Variants in CFAP46 observed in about 807,000 individuals in gnomAD.
CFAP46 encodes the protein cilia- and flagella-associated protein 46.
A neutral mutation model predicts 325.7 loss-of-function variants in CFAP46; 245 were observed. The ratio of observed to expected loss-of-function variants is 0.75; its 90% CI spans 0.68 to 0.84. The LOEUF (loss-of-function observed/expected upper bound fraction) is 0.84. Among genes scored for constraint, CFAP46 ranks in the 40% least tolerant of loss-of-function variants. The pLI is 0.00. For missense variants in CFAP46, 3,346 were observed against 3,543.0 expected, an observed-to-expected ratio of 0.94 and a Z score of 1.41; for synonymous variants, 1,523 against 1,495.9, an observed-to-expected ratio of 1.02 and a Z score of -0.42.
chr10:132,812,183 C>T (rs1010606562), intron 55 of CFAP46, among the ~76,000 whole-genome samples: 3 of 152,218 alleles, frequency 2.0e-5, no homozygotes, highest in Admixed American at 6.5e-5. Flanking sequence ...ACCCTTGGGC[C>T]GTGGCGTGTG....
At chr10:132,811,998 T>A (rs959061557) in intron 55 of CFAP46, among the ~76,000 whole-genome samples, 1 of 152,210 alleles carries the variant, frequency 6.6e-6, no homozygotes, top group Non-Finnish European at 1.5e-5. Flanking sequence ...AGCAGCCCCA[T>A]CAGAGAAGGT....
At chr10:132,872,561 A>C in intron 32 of CFAP46, 115 bp downstream of exon 32, 1 of 1,205,498 alleles carries the variant, frequency 8.3e-7, no homozygotes, top group Non-Finnish European at 1.2e-6. Context: ...CTTGGTGTTC[A>C]AGTCCCAGGG....
rs772497853 is a variant in CFAP46, at chr10:132,912,852, GC to G, written c.2334-33del. 5.8e-6 allele frequency: 9 copies of G among 1,543,378 alleles called. No individual in the cohort carries two copies. In the East Asian group the frequency reaches 2.2e-4, roughly 38 times the overall value. ...GACATGCTTGTCAGAGGGAACCTTG[GC>G]CCCCGCAGGCCTCGCCCCGATCCCA... On this transcript the variant is annotated intron_variant, in intron 18 of 57. Transcript: ENST00000368586.
chr10:132,911,876 A>G (rs960749908), intron 19 of CFAP46, among the ~76,000 whole-genome samples: 39 of 151,876 alleles, frequency 2.6e-4, no homozygotes, highest in Non-Finnish European at 1.0e-4. Context: ...GCCCGCCCTG[A>G]GGGGAGGCCT....
At chr10:132,858,380 T>G (rs12255342) in intron 38 of CFAP46, among the ~76,000 whole-genome samples, 1 of 69,638 alleles carries the variant, frequency 1.4e-5, no homozygotes, top group African/African-American at 1.3e-4. Context: ...CCAGGGAGGC[T>G]TTGCTGGGGG....
chr10:132,808,477 C>T lies in CFAP46; in HGVS notation c.8092G>A (p.Val2698Met). 1.2e-6 allele frequency: 2 copies of T among 1,613,248 alleles called. No homozygotes were observed. The highest frequency in any genetic ancestry group is 1.7e-6 in the Non-Finnish European group (2 of 1,180,010). ...GTCTTCTGGTCTAAGCAACTCAGCA[C>T]CAGCGCCGCCAAGGGGAGGCCGCCC... ...DKGGLPLAAL[V>M]LSCLDQKTIQ... Residue 2698 changes from valine (V) to methionine (M), a missense_variant, in exon 58 of 58, where the codon GTG (valine) becomes ATG (methionine). By Grantham distance (21) the Val-to-Met change is conservative. Coordinates refer to ENST00000368586, the MANE Select transcript of CFAP46 (RefSeq NM_001200049.3). This position sits in a 1 kb window ranked among gnomAD's most constrained non-coding sequence, Gnocchi z 6.8.
intron 19 of CFAP46, among the ~76,000 whole-genome samples, chr10:132,910,953 ACT>A (rs1849532354): frequency 6.6e-6 from 1 of 151,432 alleles, no homozygotes; most frequent in African/African-American, 2.4e-5. Context: ...GCTTCCTCAC[ACT>A]CTCCGCCATT....
At position 132,846,240 on chromosome 10, in the gene CFAP46, A is replaced by G; in HGVS notation, c.6268-13T>C. ...AGGCCGAGCAGCTCTGAAAGGGAGC[A>G]GGGGAGGTGTACCAGGGGCCCGAGG... is the stretch of plus-strand genomic sequence containing the variant. On this transcript the variant is annotated splice_polypyrimidine_tract_variant and intron_variant, in intron 43 of 57. Coordinates refer to ENST00000368586, the MANE Select transcript of CFAP46 (RefSeq NM_001200049.3). The G allele has an allele frequency of 1.2e-6, 2 of 1,609,922 alleles. No homozygotes were observed.
At chr10:132,855,476 TGATA>T (rs1240749444) in intron 39 of CFAP46, among the ~76,000 whole-genome samples, 1 of 152,164 alleles carries the variant, frequency 6.6e-6, no homozygotes, top group East Asian at 1.9e-4. Context: ...TTATATAATC[TGATA>T]GATTCTTTTA....
intron 33 of CFAP46, among the ~76,000 whole-genome samples, chr10:132,867,752 T>A (rs1430978970): frequency 6.6e-6 from 1 of 152,202 alleles, no homozygotes; most frequent in Non-Finnish European, 1.5e-5. Flanking sequence ...CAGGGGTGTT[T>A]AATGAGCATC....
intron 10 of CFAP46, among the ~76,000 whole-genome samples, chr10:132,925,707 C>T (rs1849799756): frequency 1.3e-5 from 2 of 152,388 alleles, no homozygotes; most frequent in African/African-American, 4.8e-5. Context: ...CGGAGGCAGA[C>T]CCAGGAGCAA....
chr10:132,864,124 A>G (rs1848767338), intron 35 of CFAP46, among the ~76,000 whole-genome samples: 1 of 120,246 alleles, frequency 8.3e-6, no homozygotes, highest in Non-Finnish European at 1.7e-5. Flanking sequence ...TTTGTATGAG[A>G]CCTCCACACA....
chr10:132,913,484 A>T (rs1201149386), intron 17 of CFAP46, among the ~76,000 whole-genome samples: 2 of 152,170 alleles, frequency 1.3e-5, no homozygotes, highest in African/African-American at 4.8e-5. Flanking sequence ...GTCTCACAGG[A>T]GCGCGAACCC....
chr10:132,872,912 T>C, intron 31 of CFAP46, 88 bp from the exon 32 acceptor site: 2 of 1,431,046 alleles, frequency 1.4e-6, no homozygotes, highest in Non-Finnish European at 1.9e-6. Context: ...ACTCCCTCCC[T>C]CCCCATGCCA....
intron 11 of CFAP46, among the ~76,000 whole-genome samples, chr10:132,924,443 G>A (rs1849775850): frequency 6.6e-6 from 1 of 152,194 alleles, no homozygotes; most frequent in Admixed American, 6.5e-5. Flanking sequence ...CCCCTTCCAT[G>A]GAGGCTCGAG....
intron 49 of CFAP46, among the ~76,000 whole-genome samples, chr10:132,833,777 C>G (rs369525761): frequency 4.6e-5 from 7 of 152,198 alleles, no homozygotes; most frequent in Admixed American, 3.9e-4. Context: ...TCCACCCACG[C>G]GAAGGTGGCT....
intron 15 of CFAP46, 127 bp from the exon 16 acceptor site, chr10:132,918,647 G>A: frequency 8.1e-7 from 1 of 1,239,616 alleles, no homozygotes; most frequent in African/African-American, 1.5e-5. Flanking sequence ...CGCCAAGGTG[G>A]GCGGGTAGGC....
chr10:132,809,129 C>T (rs748790108), intron 57 of CFAP46, among the ~76,000 whole-genome samples: 2 of 152,136 alleles, frequency 1.3e-5, no homozygotes, highest in Admixed American at 1.3e-4. Flanking sequence ...GGACTGGACC[C>T]CCGATCCGAA....
At chr10:132,883,628 G>T (rs1358116221) in intron 27 of CFAP46, among the ~76,000 whole-genome samples, 1 of 152,242 alleles carries the variant, frequency 6.6e-6, no homozygotes, top group Non-Finnish European at 1.5e-5. Context: ...GTGCCCCCGG[G>T]GGACGAGGAC....
Sources: gnomAD v4.1 joint callset for allele counts (sites outside exome capture counted in the v4.1 genomes callset) on GRCh38, gnomAD v4.1.1 for gene constraint, Gnocchi (gnomAD v3.1) non-coding constraint, MANE v1.5 for transcripts, NCBI Gene and HGNC (gene_info 2026-07-23, HGNC 2026-07-21) for gene names.